Variants in SEC31A observed in about 807,000 individuals in gnomAD.
The protein encoded by SEC31A is protein transport protein Sec31A.
Under a neutral mutation model 151.0 loss-of-function variants are expected in SEC31A, and 70 were observed. That is an observed-to-expected ratio of 0.46 (90% CI 0.38 to 0.57). The LOEUF is 0.57. Among genes scored for constraint, SEC31A ranks in the 20% least tolerant of loss-of-function variants. SEC31A has a pLI of 0.00. For synonymous variants in SEC31A, 475 were observed against 505.9 expected (o/e 0.94, Z 0.82); for missense variants, 1,330 against 1,471.2 (o/e 0.90, Z 1.57).
At chr4:82,833,532 T>A (rs375012680) in intron 22 of SEC31A, among the ~76,000 whole-genome samples, 28 of 136,192 alleles carry the variant, frequency 2.1e-4, no homozygotes, top group African/African-American at 4.3e-4. Context: ...AGTTAAATTA[T>A]AAAAAAAAAA....
chr4:82,859,831 G>A (rs902242266), intron 14 of SEC31A, among the ~76,000 whole-genome samples: 2 of 145,786 alleles, frequency 1.4e-5, no homozygotes, highest in East Asian at 2.0e-4. Context: ...TCGCTCTGTC[G>A]CCCAGGCTGG....
chr4:82,900,559 C>T (rs1720276107), upstream of SEC31A: 1 of 535,874 alleles, frequency 1.9e-6, no homozygotes, highest in East Asian at 3.2e-5. Context: ...GAGGGAGGAG[C>T]GGTCAAATGC....
Position 82,861,670 on chromosome 4 carries a change from C to G in SEC31A, c.1587G>C (p.Gly529=), listed in dbSNP as rs1481692534. Residue 529 remains glycine (G), a synonymous_variant, in exon 14 of 27, where the codon GGG becomes GGC. Coordinates refer to ENST00000395310, the MANE Select transcript of SEC31A (RefSeq NM_001077207.4). ...GCTCTTCAGCAGCAGGGCTCTCCTCCCCATCACTCTGTGCTACTTGGTCAG... is the reference window on the plus strand; with the variant it reads ...GCTCTTCAGCAGCAGGGCTCTCCTCGCCATCACTCTGTGCTACTTGGTCAG... ...KDSDQVAQSD[G]EESPAAEEQL... 6.2e-7 allele frequency: 1 copy of G among 1,611,750 alleles called. No homozygotes were observed.
At position 82,874,829 on chromosome 4, in the gene SEC31A, A is replaced by G. The variant is rs138538978; in HGVS notation, c.499-78T>C. The G allele has an allele frequency of 1.3e-4, 204 of 1,522,948 alleles. 1 individual carries two copies. The African/African-American group carries it at 2.3e-3, about 17-fold the overall frequency. The allele number at this position is 1,522,948 out of a possible 1,614,324, so 94.3% of individuals were successfully genotyped here. A position where few individuals can be genotyped will look rare whatever the true frequency, so the allele number is the denominator to read the frequency against. ...ATTTAACTGTAAAATTGGATCCTTC[A>G]TTTTGAAAAGTGTATTACTTAAAAA... On this transcript the variant is annotated intron_variant, in intron 5 of 26. Transcript: ENST00000395310.
intron 25 of SEC31A, among the ~76,000 whole-genome samples, chr4:82,823,879 T>C (rs370339485): frequency 3.9e-5 from 6 of 152,318 alleles, no homozygotes; most frequent in East Asian, 1.9e-4. Context: ...GTTTTGTTGA[T>C]GAGAGGCAGT....
rs879912426 is a variant in SEC31A at position 82,827,918 on chromosome 4, C to CT, written c.3028-287dup. On this transcript the variant is annotated intron_variant, in intron 23 of 26. Transcript: ENST00000395310. ...CAATAAAGCGGAGCTAAAACCATGG[C>CT]TTTTTTTTTTTTTTGAGATAGAGTC... Among the ~76,000 whole-genome samples, 845 of 140,114 alleles carry CT rather than the reference C, an allele frequency of 6.0e-3. 4 individuals carry two copies. The highest frequency in any genetic ancestry group is 7.0e-3 in the Admixed American group (100 of 14,192). The allele number at this position is 140,114 out of a possible 152,430, so 91.9% of individuals were successfully genotyped here. A position where few individuals can be genotyped will look rare whatever the true frequency, so the allele number is the denominator to read the frequency against.
intron 1 of SEC31A, 92 bp downstream of exon 1, chr4:82,890,996 G>T: frequency 6.6e-7 from 1 of 1,516,854 alleles, no homozygotes. Context: ...GCGGGGCAGC[G>T]GAGACCCAGG....
rs1317233710 is a variant in SEC31A, at chr4:82,878,867, G to C, written c.265C>G (p.Leu89Val). 1 of 1,613,920 alleles carries C rather than the reference G, an allele frequency of 6.2e-7. No individual in the cohort carries two copies. Among genetic ancestry groups the C allele is most frequent in the South Asian group, 1.1e-5 (1 of 91,076 alleles). Residue 89 changes from leucine (L) to valine (V), a missense_variant, in exon 4 of 27, where the codon CTG becomes GTG. Physicochemically the swap from Leu to Val is conservative, Grantham distance 32. Transcript: ENST00000395310. ...MDSKGDVSGV[L>V]IAGGENGNII... Reference sequence around the variant, plus strand: ...TTTCCATTTTCACCACCTGCAATCAGAACTCCAGAGACATCTCCTTTGGAA... The same window carrying C: ...TTTCCATTTTCACCACCTGCAATCACAACTCCAGAGACATCTCCTTTGGAA...
chr4:82,841,442 T>TTATATATATATATATATATA (rs58373170), intron 22 of SEC31A, among the ~76,000 whole-genome samples: 775 of 64,092 alleles, frequency 0.012, 17 homozygotes, highest in Middle Eastern at 0.036. Context: ...AAAAAAAATT[T>TTATATATATATATATATATA]TATATATATA....
At chr4:82,875,124 A>G (rs1171855757) in intron 5 of SEC31A, among the ~76,000 whole-genome samples, 2 of 152,228 alleles carry the variant, frequency 1.3e-5, no homozygotes, top group Admixed American at 1.3e-4. Context: ...ATTACAGCCT[A>G]GACCATTAGC....
At chr4:82,827,229 C>G in intron 24 of SEC31A, 140 bp downstream of exon 24, 2 of 941,390 alleles carry the variant, frequency 2.1e-6, no homozygotes, top group Non-Finnish European at 3.2e-6. Context: ...CATGATCGAT[C>G]TTAAAAAAAA....
intron 16 of SEC31A, among the ~76,000 whole-genome samples, chr4:82,855,340 A>G (rs1732396136): frequency 6.6e-6 from 1 of 152,200 alleles, no homozygotes; most frequent in South Asian, 2.1e-4. Flanking sequence ...GACTTTTGAC[A>G]CGTGATCTGA....
chr4:82,857,484 T>A (rs1007041736), intron 15 of SEC31A, among the ~76,000 whole-genome samples: 2 of 152,166 alleles, frequency 1.3e-5, no homozygotes, highest in African/African-American at 4.8e-5. Context: ...TAAAACTTTT[T>A]TTTTTGAGAC....
chr4:82,837,403 AG>A (rs1727655986), intron 22 of SEC31A, among the ~76,000 whole-genome samples: 1 of 151,710 alleles, frequency 6.6e-6, no homozygotes, highest in South Asian at 2.1e-4. Context: ...AAAGCAAGGA[AG>A]TTTTTTTTGT....
At chr4:82,846,800 C>T (rs569597932) in intron 20 of SEC31A, among the ~76,000 whole-genome samples, 4 of 152,136 alleles carry the variant, frequency 2.6e-5, no homozygotes, top group South Asian at 2.1e-4. Flanking sequence ...CTGCAACCTC[C>T]GCCTCCCGGG....
intron 12 of SEC31A, 116 bp from the exon 13 acceptor site, chr4:82,862,688 T>C (rs959615707): frequency 1.2e-6 from 1 of 819,994 alleles, no homozygotes. Context: ...ATAGGAATAG[T>C]ATGTTTAAAA....
chr4:82,879,893 G>A (rs529636049), intron 3 of SEC31A, among the ~76,000 whole-genome samples: 10 of 152,188 alleles, frequency 6.6e-5, no homozygotes, highest in South Asian at 2.1e-4. Flanking sequence ...TCTAAATATC[G>A]TAACAGAAGA....
chr4:82,854,320 G>A (rs936078453), intron 17 of SEC31A, among the ~76,000 whole-genome samples: 4 of 146,726 alleles, frequency 2.7e-5, no homozygotes, highest in Non-Finnish European at 5.9e-5. Context: ...CCAAGATTGT[G>A]CCATCGCACT....
intron 25 of SEC31A, 102 bp from the exon 26 acceptor site, chr4:82,821,210 G>T: frequency 1.2e-6 from 1 of 864,888 alleles, no homozygotes. Flanking sequence ...AATGTTGAAT[G>T]GCTTCATTTT....
Sources: allele counts gnomAD v4.1 joint callset (sites outside exome capture counted in the v4.1 genomes callset), GRCh38; gene constraint gnomAD v4.1.1; transcripts MANE v1.5; gene names NCBI Gene and HGNC (gene_info 2026-07-23, HGNC 2026-07-21).